Variants in ZMYM2 observed in about 807,000 individuals in gnomAD.
ZMYM2 encodes the protein zinc finger MYM-type containing 2, also known as zinc finger MYM-type protein 2.
Under a neutral mutation model 162.8 loss-of-function variants are expected in ZMYM2, and 56 were observed. The ratio of observed to expected loss-of-function variants is 0.34; its 90% CI spans 0.28 to 0.43. The LOEUF (loss-of-function observed/expected upper bound fraction) is 0.43, where lower values mean the gene tolerates loss of function less well. ZMYM2 is among the 20% of genes least tolerant of loss of function. The pLI, the probability that ZMYM2 is intolerant of heterozygous loss-of-function variation, is 1.00. For synonymous variants in ZMYM2, 510 were observed against 541.6 expected (o/e 0.94, Z 0.81); for missense variants, 1,275 against 1,621.8 (o/e 0.79, Z 3.67).
chr13:19,941,322 CAA>C, the ZMYM2 span, among the ~76,000 whole-genome samples: 2 of 128,180 alleles, frequency 1.6e-5, no homozygotes, highest in African/African-American at 5.7e-5. Flanking sequence ...AACAAAAAAA[CAA>C]AAAAAAAAAA....
At chr13:20,046,581 A>ATGTGTGTGTGTGTG (rs1249162923) in intron 12 of ZMYM2, among the ~76,000 whole-genome samples, 3 of 117,508 alleles carry the variant, frequency 2.6e-5, no homozygotes, top group South Asian at 2.8e-4. Context: ...ATATATATAT[A>ATGTGTGTGTGTGTG]TGTGTGTGTG....
intron 15 of ZMYM2, 88 bp from the exon 16 acceptor site, chr13:20,059,359 A>G (rs1566421478): frequency 2.1e-6 from 3 of 1,456,506 alleles, no homozygotes; most frequent in Non-Finnish European, 2.8e-6. Flanking sequence ...AGGTAGTTAA[A>G]TTTTTCTTTA....
chr13:19,914,575 C>T, the ZMYM2 span, among the ~76,000 whole-genome samples: 2 of 152,326 alleles, frequency 1.3e-5, no homozygotes, highest in East Asian at 3.9e-4. Flanking sequence ...AGCAGCATTG[C>T]TTTGTTCTTA....
At chr13:20,051,680 A>G (rs753112033) in intron 13 of ZMYM2, 82 bp downstream of exon 13, 28 of 1,360,010 alleles carry the variant, frequency 2.1e-5, no homozygotes, top group Non-Finnish European at 2.5e-5. Context: ...CTGATAATGA[A>G]TAGTTGATTT....
the ZMYM2 span, among the ~76,000 whole-genome samples, chr13:19,882,982 CAA>C: frequency 6.6e-6 from 1 of 151,950 alleles, no homozygotes; most frequent in Non-Finnish European, 1.5e-5. Context: ...TCACAGTAGA[CAA>C]AAGATGGAAA....
chr13:19,973,900 A>G (rs1299557061), intron 2 of ZMYM2, among the ~76,000 whole-genome samples: 2 of 151,726 alleles, frequency 1.3e-5, no homozygotes, highest in African/African-American at 4.8e-5. Flanking sequence ...GTGTTAGTGT[A>G]TTTTATGTGT....
chr13:19,971,299 T>C (rs1301952440), intron 2 of ZMYM2, among the ~76,000 whole-genome samples: 1 of 142,614 alleles, frequency 7.0e-6, no homozygotes, highest in Non-Finnish European at 1.5e-5. Context: ...AGATGGAGTT[T>C]CACTCTTGTT....
chr13:19,927,698 T>C, the ZMYM2 span, among the ~76,000 whole-genome samples: 1 of 152,314 alleles, frequency 6.6e-6, no homozygotes, highest in East Asian at 1.9e-4. Context: ...ATGTGAACAC[T>C]TAGCTTTGAG....
At chr13:20,005,802 C>G (rs989787220) in intron 5 of ZMYM2, among the ~76,000 whole-genome samples, 32 of 152,098 alleles carry the variant, frequency 2.1e-4, no homozygotes, top group African/African-American at 7.7e-4. Context: ...AGTTTAATAT[C>G]ACCACTACCC....
At chr13:19,962,677 A>G (rs1428197919) in intron 2 of ZMYM2, among the ~76,000 whole-genome samples, 3 of 150,750 alleles carry the variant, frequency 2.0e-5, no homozygotes, top group African/African-American at 7.3e-5. Context: ...GGCATGCGCC[A>G]CTGTGCCTGA....
chr13:19,916,663 G>A, the ZMYM2 span, among the ~76,000 whole-genome samples: 2 of 146,882 alleles, frequency 1.4e-5, no homozygotes, highest in Admixed American at 1.4e-4. Context: ...ATTAAACAAT[G>A]AGACCACTTG....
At chr13:19,879,644 ATAAATTT>A in the ZMYM2 span, among the ~76,000 whole-genome samples, 5 of 152,206 alleles carry the variant, frequency 3.3e-5, no homozygotes, top group Non-Finnish European at 7.3e-5. Flanking sequence ...GAGATTTCAT[ATAAATTT>A]TAGAGTGGGC....
chr13:19,986,136 G>A (rs953357871), intron 2 of ZMYM2, among the ~76,000 whole-genome samples: 2 of 152,088 alleles, frequency 1.3e-5, no homozygotes, highest in African/African-American at 2.4e-5. Flanking sequence ...TTGCAGTGTT[G>A]CAGTGAGCCT....
chr13:19,868,087 A>G, the ZMYM2 span, among the ~76,000 whole-genome samples: 7 of 152,306 alleles, frequency 4.6e-5, no homozygotes, highest in South Asian at 1.5e-3. Context: ...TCTCTTTTTC[A>G]TAAAACCCCC....
At chr13:19,985,375 C>G (rs995232371) in intron 2 of ZMYM2, among the ~76,000 whole-genome samples, 2 of 152,172 alleles carry the variant, frequency 1.3e-5, no homozygotes, top group African/African-American at 4.8e-5. Context: ...CTGCCTGCCT[C>G]TGTCTCCTAA....
intron 3 of ZMYM2, among the ~76,000 whole-genome samples, chr13:19,998,260 T>A (rs1262179655): frequency 6.6e-6 from 1 of 152,224 alleles, no homozygotes; most frequent in African/African-American, 2.4e-5. Context: ...ACAAAATGAT[T>A]AGGCCTTTTC....
upstream of ZMYM2, among the ~76,000 whole-genome samples, chr13:19,953,898 A>G (rs555382965): frequency 1.1e-3 from 160 of 151,836 alleles, no homozygotes; most frequent in African/African-American, 3.7e-3. Flanking sequence ...AAGAAGGGCT[A>G]AAACTGTATA....
intron 10 of ZMYM2, among the ~76,000 whole-genome samples, chr13:20,031,865 G>GTTTTTTTTTTTTTTTTTTT (rs10642086): frequency 4.6e-5 from 6 of 130,274 alleles, no homozygotes; most frequent in Non-Finnish European, 6.2e-5. Flanking sequence ...TTCTGTAATT[G>GTTTTTTTTTTTTTTTTTTT]TTTTTTTTTT....
At chr13:20,052,386 T>A in intron 14 of ZMYM2, 75 bp downstream of exon 14, 1 of 1,405,750 alleles carries the variant, frequency 7.1e-7, no homozygotes. Flanking sequence ...GCCAATTTAA[T>A]GTGATCATAA....
Sources: allele counts gnomAD v4.1 joint callset (sites outside exome capture counted in the v4.1 genomes callset), GRCh38; gene constraint gnomAD v4.1.1; transcripts MANE v1.5; gene names NCBI Gene and HGNC (gene_info 2026-07-23, HGNC 2026-07-21).